Variants in CEP63 observed in about 807,000 individuals in gnomAD.
The protein encoded by CEP63 is centrosomal protein of 63 kDa.
CEP63 carries 84 observed loss-of-function variants against 89.1 expected under a neutral mutation model. The observed-to-expected ratio is 0.94, with a 90% confidence interval of 0.79 to 1.13. CEP63 has a LOEUF of 1.13. CEP63 is among the 50% of genes most tolerant of loss of function. CEP63 has a pLI of 0.00. For missense variants in CEP63, 838 were observed against 813.3 expected (o/e 1.03, Z -0.37); for synonymous variants, 267 against 272.5 (o/e 0.98, Z 0.20).
chr3:134,744,690 A>T, the CEP63 span, among the ~76,000 whole-genome samples: 1 of 152,038 alleles, frequency 6.6e-6, no homozygotes, highest in Non-Finnish European at 1.5e-5. Context: ...AATTTTTTAA[A>T]TTATTTTTGT....
chr3:134,558,168 C>G lies in CEP63; in HGVS notation c.1494C>G (p.Leu498=). The G allele has an allele frequency of 6.2e-7, 1 of 1,613,500 alleles. No individual in the cohort carries two copies. The highest frequency in any genetic ancestry group is 8.5e-7 in the Non-Finnish European group (1 of 1,179,638). ...CAAAAGAGATTTCACTAGCAGACCTCCAGGAGAATTATATTGAGGCATTAA... is the reference window on the plus strand; with the variant it reads ...CAAAAGAGATTTCACTAGCAGACCTGCAGGAGAATTATATTGAGGCATTAA... ...HEAKEISLAD[L]QENYIEALNK... is the part of the protein sequence containing the mutation. Residue 498 remains leucine (L), a synonymous_variant, in exon 13 of 15, where the codon CTC becomes CTG. Transcript: ENST00000675561.
the CEP63 span, among the ~76,000 whole-genome samples, chr3:134,598,848 C>T: frequency 6.6e-6 from 1 of 152,186 alleles, no homozygotes; most frequent in Non-Finnish European, 1.5e-5. Context: ...TGGGACACCC[C>T]AAAGAGGACA....
At chr3:134,528,035 C>T (rs1462162451) in intron 3 of CEP63, among the ~76,000 whole-genome samples, 1 of 152,222 alleles carries the variant, frequency 6.6e-6, no homozygotes, top group East Asian at 1.9e-4. Context: ...CTAAGTGGCT[C>T]ACCCTGTCAA....
the CEP63 span, among the ~76,000 whole-genome samples, chr3:134,609,210 T>C: frequency 6.6e-6 from 1 of 152,210 alleles, no homozygotes; most frequent in African/African-American, 2.4e-5. Flanking sequence ...TTGAATTCAC[T>C]GCCTCCATCT....
chr3:134,620,350 A>G, the CEP63 span, among the ~76,000 whole-genome samples: 7 of 152,208 alleles, frequency 4.6e-5, 1 homozygote, highest in African/African-American at 1.4e-4. Flanking sequence ...ACCCTCTGGT[A>G]TTGCAATCAC....
the CEP63 span, among the ~76,000 whole-genome samples, chr3:134,622,455 GC>G: frequency 6.6e-6 from 1 of 152,116 alleles, no homozygotes; most frequent in African/African-American, 2.4e-5. Context: ...AGTGACATAA[GC>G]CAGACACAAA....
intron 2 of CEP63, among the ~76,000 whole-genome samples, chr3:134,499,795 C>T (rs1305418185): frequency 1.3e-5 from 2 of 149,890 alleles, no homozygotes; most frequent in Non-Finnish European, 3.0e-5. Context: ...TTGGAGTCTC[C>T]AGTGTCTGTT....
At chr3:134,558,558 A>G (rs79027007) in intron 13 of CEP63, among the ~76,000 whole-genome samples, 2,462 of 152,250 alleles carry the variant, frequency 0.016, 56 homozygotes, top group African/African-American at 0.055. Flanking sequence ...TTAGTTTTGT[A>G]CACTCTGGAT....
At chr3:134,504,664 G>A (rs1233590174) in intron 2 of CEP63, among the ~76,000 whole-genome samples, 1 of 151,402 alleles carries the variant, frequency 6.6e-6, no homozygotes, top group Non-Finnish European at 1.5e-5. Flanking sequence ...GAATTGGGAA[G>A]TTTTCAGCTA....
At chr3:134,529,481 C>T (rs966653846) in intron 3 of CEP63, among the ~76,000 whole-genome samples, 1 of 151,480 alleles carries the variant, frequency 6.6e-6, no homozygotes, top group Non-Finnish European at 1.5e-5. Context: ...GCTGGGATTA[C>T]AGGCACCTGC....
intron 10 of CEP63, among the ~76,000 whole-genome samples, chr3:134,585,346 C>T (rs908647356): frequency 9.2e-5 from 14 of 152,232 alleles, no homozygotes; most frequent in Admixed American, 7.2e-4. Context: ...TTTCCCTCTA[C>T]ACACTGCTTT....
At position 134,581,886 on chromosome 3, in the gene CEP63, A is replaced by G. The variant is rs1374293931; in HGVS notation, c.1207-5572A>G. 2.6e-5 allele frequency among the ~76,000 whole-genome samples: 4 copies of G among 151,574 alleles called. No homozygotes were observed. The South Asian group carries it at 6.2e-4, about 24-fold the overall frequency. On this transcript the variant is annotated intron_variant, in intron 10 of 10. Coordinates refer to the CEP63 transcript ENST00000683931. ...GAGACGGGGTTTCACCGTGTTAGCC[A>G]GGATGGTCTCGATCTCCTGACCTCG...
At chr3:134,667,498 A>G in the CEP63 span, among the ~76,000 whole-genome samples, 2 of 152,198 alleles carry the variant, frequency 1.3e-5, no homozygotes, top group Non-Finnish European at 2.9e-5. Flanking sequence ...TGAAAACAGT[A>G]TGTGTGCATG....
At chr3:134,496,612 G>A (rs569545570) in intron 2 of CEP63, among the ~76,000 whole-genome samples, 2 of 152,298 alleles carry the variant, frequency 1.3e-5, no homozygotes, top group South Asian at 4.1e-4. Context: ...AGCTGGTAAA[G>A]TCTTGCTCTT....
intron 3 of CEP63, among the ~76,000 whole-genome samples, chr3:134,508,004 G>A (rs537447070): frequency 6.6e-6 from 1 of 152,270 alleles, no homozygotes; most frequent in South Asian, 2.1e-4. Flanking sequence ...TTATAGGGGA[G>A]CACTGGTCCC....
the CEP63 span, among the ~76,000 whole-genome samples, chr3:134,738,997 C>T: frequency 4.0e-5 from 6 of 150,760 alleles, no homozygotes; most frequent in South Asian, 2.1e-4. Context: ...TAACAAGTGC[C>T]GATGAGGCCA....
chr3:134,546,336 G>A, intron 8 of CEP63, 48 bp downstream of exon 8: 2 of 1,493,010 alleles, frequency 1.3e-6, no homozygotes, highest in Middle Eastern at 1.9e-4. Flanking sequence ...TAATGACTAG[G>A]TATTAAGCAC....
the CEP63 span, among the ~76,000 whole-genome samples, chr3:134,739,854 C>T: frequency 1.3e-5 from 2 of 152,176 alleles, no homozygotes; most frequent in East Asian, 1.9e-4. Context: ...AATTCAGTAG[C>T]TGGGTTGTGA....
the CEP63 span, chr3:134,608,594 A>G: frequency 1.1e-4 from 181 of 1,613,628 alleles, 1 homozygote; most frequent in African/African-American, 6.5e-4. Flanking sequence ...CCTGGAGGAC[A>G]GTGCGAAATG....
Sources: allele counts gnomAD v4.1 joint callset (sites outside exome capture counted in the v4.1 genomes callset), GRCh38; gene constraint gnomAD v4.1.1; transcripts MANE v1.5; gene names NCBI Gene and HGNC (gene_info 2026-07-23, HGNC 2026-07-21).